TMEM134: variants seen among roughly 807,000 people sequenced by gnomAD.
The protein encoded by TMEM134 is transmembrane protein 134.
A neutral mutation model predicts 26.2 loss-of-function variants in TMEM134; 36 were observed. That is an observed-to-expected ratio of 1.37 (90% confidence interval 1.05 to 1.81). The LOEUF is 1.81. TMEM134 is among the 40% of genes most tolerant of loss of function. TMEM134 has a pLI of 0.00. For synonymous variants in TMEM134, 133 were observed against 113.6 expected, an observed-to-expected ratio of 1.17 and a Z score of -1.08; for missense variants, 339 against 263.5, an observed-to-expected ratio of 1.29 and a Z score of -1.98.
intron 4 of TMEM134, 43 bp downstream of exon 4, chr11:67,467,269 T>TTTTGAC: frequency 6.3e-7 from 1 of 1,597,466 alleles, no homozygotes; most frequent in Non-Finnish European, 8.6e-7. Context: ...GGGCAGAGCC[T>TTTTGAC]CCCACGGGGC....
intron 1 of TMEM134, 97 bp downstream of exon 1, chr11:67,468,922 C>T (rs917089974): frequency 2.7e-5 from 33 of 1,238,946 alleles, no homozygotes; most frequent in Non-Finnish European, 3.4e-5. Flanking sequence ...TCAGCTGGGG[C>T]CTCTAGGCAG....
intron 1 of TMEM134, 45 bp downstream of exon 1, chr11:67,468,973 TC>T: frequency 7.0e-7 from 1 of 1,420,616 alleles, no homozygotes. Context: ...CGGCCTGGGG[TC>T]CCGTCCGGCC....
intron 2 of TMEM134, 88 bp from the exon 3 acceptor site, chr11:67,467,678 G>A: frequency 7.5e-7 from 1 of 1,325,872 alleles, no homozygotes; most frequent in South Asian, 1.2e-5. Context: ...AGGGCATGGT[G>A]CAGGGACTGG....
rs1489797146 is a variant in TMEM134, at chr11:67,463,764, T to C, written c.*850A>G. 6.6e-6 allele frequency: 1 copy of C among 152,234 alleles called. No individual in the cohort carries two copies. The highest frequency in any genetic ancestry group is 1.5e-5 in the Non-Finnish European group (1 of 68,046). The allele number at this position is 152,234 out of a possible 1,614,324, so 9.4% of individuals were successfully genotyped here. A position where few individuals can be genotyped will look rare whatever the true frequency, so the allele number is the denominator to read the frequency against. ...CAGATTTCAGGTTTCTCAAAGATTCTGTTTCTTGTTTCGTAAGATTCTGAA... is the reference window on the plus strand; with the variant it reads ...CAGATTTCAGGTTTCTCAAAGATTCCGTTTCTTGTTTCGTAAGATTCTGAA... On this transcript the variant is annotated 3_prime_UTR_variant, in exon 7 of 7. Coordinates refer to ENST00000308022, the MANE Select transcript of TMEM134 (RefSeq NM_025124.4).
chr11:67,466,450 G>A (rs1224705920), intron 4 of TMEM134: 2 of 152,466 alleles, frequency 1.3e-5, no homozygotes, highest in African/African-American at 4.8e-5. Flanking sequence ...GGTAGCCCCA[G>A]GCTTGCCTTG....
rs995333739 is a variant in TMEM134 at position 67,464,647 on chromosome 11, G to T, written c.555C>A (p.Phe185Leu). Reference protein sequence around the residue: ...IYCAVKGHRGFQFFYLPYFEK With the variant: ...IYCAVKGHRGLQFFYLPYFEK Reference sequence around the variant, plus strand: ...CGAAGTAGGGCAGGTAGAAGAACTGGAAGCCCCGGTGGCCCTTGACCGCGC... The same window carrying T: ...CGAAGTAGGGCAGGTAGAAGAACTGTAAGCCCCGGTGGCCCTTGACCGCGC... Residue 185 changes from phenylalanine (F) to leucine (L), a missense_variant, in exon 7 of 7, where the codon TTC becomes TTA. Transcript: ENST00000308022. 6.4e-7 allele frequency: 1 copy of T among 1,553,630 alleles called. No individual in the cohort carries two copies. The highest frequency in any genetic ancestry group is 8.7e-7 in the Non-Finnish European group (1 of 1,147,962).
chr11:67,468,413 CCA>C lies in TMEM134; in HGVS notation c.175-323_175-322del, dbSNP rs528934036. ...ATTGGGGTGCCAGGAAAGGCCAGGC[CCA>C]GAGTTCCCAGGTTCAAGGCACAGGG... On this transcript the variant is annotated intron_variant, in intron 1 of 6. Transcript: ENST00000308022. 1.9e-3 allele frequency among the ~76,000 whole-genome samples: 295 copies of C among 152,264 alleles called. 3 individuals are homozygous for C. The highest frequency in any genetic ancestry group is 6.8e-3 in the African/African-American group (282 of 41,550).
Position 67,468,027 on chromosome 11 carries a change from C to T in TMEM134, c.239+1G>A. 6.4e-7 allele frequency: 1 copy of T among 1,556,238 alleles called. No individual in the cohort carries two copies. The highest frequency in any genetic ancestry group is 8.7e-7 in the Non-Finnish European group (1 of 1,149,462). On this transcript the variant is annotated splice_donor_variant, in intron 2 of 6. Coordinates refer to ENST00000308022, the MANE Select transcript of TMEM134 (RefSeq NM_025124.4). LOFTEE classifies it high-confidence loss of function. ...GGGTTGGGTCCCCACCTGGCCCTAACCTGGTGCCGACTCCCCCATCCGGCT... is the reference window on the plus strand; with the variant it reads ...GGGTTGGGTCCCCACCTGGCCCTAATCTGGTGCCGACTCCCCCATCCGGCT...
chr11:67,466,158 A>C (rs1865230269), intron 4 of TMEM134: 1 of 152,198 alleles, frequency 6.6e-6, no homozygotes, highest in Non-Finnish European at 1.5e-5. Flanking sequence ...ACCTGAGGCC[A>C]ACATGGTGAA....
At chr11:67,465,734 T>C (rs61617083) in intron 4 of TMEM134, among the ~76,000 whole-genome samples, 1 of 151,936 alleles carries the variant, frequency 6.6e-6, no homozygotes, top group African/African-American at 2.4e-5. Flanking sequence ...GAAGCCAGCC[T>C]GGGCAACATA....
At chr11:67,468,727 G>C (rs1044350968) in intron 1 of TMEM134, among the ~76,000 whole-genome samples, 1 of 152,218 alleles carries the variant, frequency 6.6e-6, no homozygotes, top group African/African-American at 2.4e-5. Flanking sequence ...CGGGGGCCAG[G>C]TGCGAGTAGC....
In TMEM134 at chr11:67,469,132, C is replaced by G. The variant is rs1177550592; in HGVS notation, c.61G>C (p.Gly21Arg). Reference protein sequence around the residue: ...DDAFELSLEDGGPGPESSGVA... With the variant: ...DDAFELSLEDRGPGPESSGVA... ...CCGCTGGACTCGGGCCCAGGGCCCC[C>G]GTCCTCCAGGGACAGCTCGAAGGCA... Residue 21 changes from glycine to arginine, a missense_variant, in exon 1 of 7, where the codon GGG becomes CGG. Coordinates refer to ENST00000308022, the MANE Select transcript of TMEM134 (RefSeq NM_025124.4). The G allele has an allele frequency of 2.0e-6, 3 of 1,497,450 alleles. No homozygotes were observed. Among genetic ancestry groups the G allele is most frequent in the Admixed American group, 4.3e-5 (2 of 46,160 alleles). The allele number at this position is 1,497,450 out of a possible 1,614,324, so 92.8% of individuals were successfully genotyped here. A position where few individuals can be genotyped will look rare whatever the true frequency, so the allele number is the denominator to read the frequency against.
At chr11:67,465,138 C>G (rs752072992) in intron 4 of TMEM134, 38 bp from the exon 5 acceptor site, 2 of 1,551,664 alleles carry the variant, frequency 1.3e-6, no homozygotes, top group Admixed American at 1.9e-5. Context: ...GGGGCAGGAG[C>G]AGTGGTGAGG....
chr11:67,467,851 A>G (rs1750803192), intron 2 of TMEM134, 177 bp downstream of exon 2: 1 of 682,644 alleles, frequency 1.5e-6, no homozygotes, highest in Admixed American at 2.5e-5. Flanking sequence ...ACAGCTGGGC[A>G]CTAGGGTAGG....
chr11:67,465,258 T>TG (rs2135213301), intron 4 of TMEM134, 158 bp from the exon 5 acceptor site: 1 of 1,492,790 alleles, frequency 6.7e-7, no homozygotes, highest in East Asian at 2.5e-5. Context: ...AGCAAGGCAC[T>TG]GAGCAGGCCC....
At position 67,469,143 on chromosome 11, in the gene TMEM134, G is replaced by A. The variant is rs755602441; in HGVS notation, c.50C>T (p.Ser17Phe). Residue 17 changes from serine to phenylalanine, a missense_variant, in exon 1 of 7, where the codon TCC becomes TTC. By Grantham distance (155) the Ser-to-Phe change is radical. Coordinates refer to ENST00000308022, the MANE Select transcript of TMEM134 (RefSeq NM_025124.4). ...GGGCCCAGGGCCCCCGTCCTCCAGG[G>A]ACAGCTCGAAGGCATCATCAATGCT... ...QFSIDDAFEL[S>F]LEDGGPGPES... 5 of 1,483,432 alleles carry A rather than the reference G, an allele frequency of 3.4e-6. No individual in the cohort carries two copies. Among genetic ancestry groups the A allele is most frequent in the Non-Finnish European group, 4.5e-6 (5 of 1,114,334 alleles). 91.9% of individuals were successfully genotyped at this position (1,483,432 alleles called of 1,614,324 possible). A position where few individuals can be genotyped will look rare whatever the true frequency, so the allele number is the denominator to read the frequency against.
At chr11:67,465,031 C>A in intron 5 of TMEM134, 25 bp downstream of exon 5, 1 of 1,554,312 alleles carries the variant, frequency 6.4e-7, no homozygotes, top group South Asian at 1.2e-5. Flanking sequence ...TGTCCTCTGC[C>A]TGTGGGGGCG....
intron 4 of TMEM134, 195 bp from the exon 5 acceptor site, chr11:67,465,295 T>C (rs545401303): frequency 1.7e-4 from 239 of 1,405,886 alleles, no homozygotes; most frequent in Admixed American, 1.8e-4. Flanking sequence ...GGAGAGATTT[T>C]TCTTTGTTCC....
Position 67,468,337 on chromosome 11 carries a change from T to G in TMEM134, c.175-245A>C, listed in dbSNP as rs1380001493. Reference sequence around the variant, plus strand: ...TCCCAGGGAAAGGAGAGCTCCCAACTTTGGGTTAGGGTGGAGCTCTCATTC... The same window carrying G: ...TCCCAGGGAAAGGAGAGCTCCCAACGTTGGGTTAGGGTGGAGCTCTCATTC... On this transcript the variant is annotated intron_variant, in intron 1 of 6. Coordinates refer to ENST00000308022, the MANE Select transcript of TMEM134 (RefSeq NM_025124.4). 1.7e-5 allele frequency: 9 copies of G among 535,886 alleles called. No homozygotes were observed. The East Asian group carries it at 2.9e-4, about 17-fold the overall frequency. 33.2% of individuals were successfully genotyped at this position (535,886 alleles called of 1,614,324 possible).
Sources: gnomAD v4.1 joint callset for allele counts (sites outside exome capture counted in the v4.1 genomes callset) on GRCh38, gnomAD v4.1.1 for gene constraint, MANE v1.5 for transcripts, NCBI Gene and HGNC (gene_info 2026-07-23, HGNC 2026-07-21) for gene names.